RFX7: variants seen among roughly 807,000 people sequenced by gnomAD.
RFX7 encodes DNA-binding protein RFX7.
A neutral mutation model predicts 111.8 loss-of-function variants in RFX7; 26 were observed. The ratio of observed to expected loss-of-function variants is 0.23; its 90% CI spans 0.17 to 0.32. The LOEUF is 0.32. RFX7 is among the 10% of genes least tolerant of loss of function. The pLI is 1.00. For missense variants in RFX7, 1,573 were observed against 1,772.9 expected, an observed-to-expected ratio of 0.89 and a Z score of 2.02; for synonymous variants, 624 against 624.4, an observed-to-expected ratio of 1.00 and a Z score of 0.01.
At chr15:56,115,598 T>G (rs368420374) in intron 5 of RFX7, among the ~76,000 whole-genome samples, 2 of 152,200 alleles carry the variant, frequency 1.3e-5, no homozygotes, top group African/African-American at 4.8e-5. Context: ...TCTCTTTGTA[T>G]ACATACTTTC....
At chr15:56,118,033 A>G (rs1250825177) in intron 5 of RFX7, among the ~76,000 whole-genome samples, 1 of 151,982 alleles carries the variant, frequency 6.6e-6, no homozygotes, top group Non-Finnish European at 1.5e-5. Flanking sequence ...CTATCTATCT[A>G]TCTACACATA....
At chr15:56,140,687 A>G (rs1208924728) in intron 5 of RFX7, among the ~76,000 whole-genome samples, 2 of 152,134 alleles carry the variant, frequency 1.3e-5, no homozygotes, top group Non-Finnish European at 2.9e-5. Context: ...TAATTGCTCA[A>G]AATTGGAGTT....
intron 3 of RFX7, among the ~76,000 whole-genome samples, chr15:56,164,833 G>C (rs1201618344): frequency 1.3e-5 from 2 of 152,178 alleles, no homozygotes; most frequent in Non-Finnish European, 2.9e-5. Context: ...AGTTTTTAGA[G>C]AACACAGCTT....
intron 2 of RFX7, among the ~76,000 whole-genome samples, chr15:56,238,655 T>C (rs1354033471): frequency 6.6e-6 from 1 of 152,126 alleles, no homozygotes; most frequent in Admixed American, 6.5e-5. Context: ...AAAACAGTAA[T>C]TGATAACAAA....
intron 2 of RFX7, among the ~76,000 whole-genome samples, chr15:56,201,496 T>C (rs1017204121): frequency 6.6e-6 from 1 of 152,204 alleles, no homozygotes; most frequent in Non-Finnish European, 1.5e-5. Flanking sequence ...ATCTCCTCAA[T>C]GTTCAAATGA....
intron 2 of RFX7, among the ~76,000 whole-genome samples, chr15:56,185,352 T>A (rs544146979): frequency 6.6e-6 from 1 of 152,312 alleles, no homozygotes; most frequent in South Asian, 2.1e-4. Context: ...AATCTATGTA[T>A]CCTTTAAATA....
intron 3 of RFX7, among the ~76,000 whole-genome samples, chr15:56,155,775 G>T (rs1324259494): frequency 6.6e-6 from 1 of 151,974 alleles, no homozygotes; most frequent in African/African-American, 2.4e-5. Flanking sequence ...TTAAAAAAAT[G>T]TGGAAACAAG....
intron 3 of RFX7, 63 bp from the exon 4 acceptor site, chr15:56,144,546 A>G: frequency 1.2e-6 from 1 of 823,784 alleles, no homozygotes; most frequent in Admixed American, 2.1e-5. Flanking sequence ...CCCCAAACAA[A>G]ATTTACTAAC....
intron 5 of RFX7, among the ~76,000 whole-genome samples, chr15:56,110,178 A>T (rs1377912736): frequency 1.0e-5 from 1 of 99,798 alleles, no homozygotes. Flanking sequence ...CGCCCCGTCC[A>T]GGAGGTGAGG....
At chr15:56,122,750 C>A (rs372574093) in intron 5 of RFX7, among the ~76,000 whole-genome samples, 1 of 151,744 alleles carries the variant, frequency 6.6e-6, no homozygotes, top group East Asian at 2.0e-4. Flanking sequence ...AACCACAAGA[C>A]AGTCCTTCCC....
intron 5 of RFX7, among the ~76,000 whole-genome samples, chr15:56,104,320 G>T (rs2041800284): frequency 6.6e-6 from 1 of 152,176 alleles, no homozygotes; most frequent in Non-Finnish European, 1.5e-5. Flanking sequence ...CTGGAATCAG[G>T]TGTTCTGTTT....
chr15:56,243,393 GA>G (rs1357663128), intron 1 of RFX7, 51 bp downstream of exon 1: 1 of 744,760 alleles, frequency 1.3e-6, no homozygotes, highest in Non-Finnish European at 1.8e-6. Flanking sequence ...GGGGGAGGGG[GA>G]GGGGAAGAGG....
At chr15:56,195,483 T>C (rs111829136) in intron 2 of RFX7, among the ~76,000 whole-genome samples, 2,636 of 152,252 alleles carry the variant, frequency 0.017, 76 homozygotes, top group African/African-American at 0.06. Flanking sequence ...AATCAACAGA[T>C]TGCAAACTAT....
Position 56,093,476 on chromosome 15 carries a change from C to A in RFX7, c.4252G>T (p.Ala1418Ser). 6.2e-7 allele frequency: 1 copy of A among 1,613,882 alleles called. No individual in the cohort carries two copies. Among genetic ancestry groups the A allele is most frequent in the Non-Finnish European group, 8.5e-7 (1 of 1,179,840 alleles). Residue 1418 changes from alanine to serine, a missense_variant, in exon 10 of 10, where the codon GCT (alanine) becomes TCT (serine). Ala to Ser is a moderately conservative substitution (Grantham distance 99, BLOSUM62 1). This residue lies in a region of RFX7 where 411 missense variants were observed against 478.1 expected (regional missense o/e 0.86). Transcript: ENST00000559447. ...PGRQQGQDDE[A>S]TLEELKNDPL... The stretch of plus-strand genomic sequence containing the variant: ...TCATTCTTTAATTCTTCCAGTGTAG[C>A]TTCATCATCTTGTCCCTGCTGACGA...
chr15:56,087,495 G>T lies in RFX7; in HGVS notation c.*5850C>A, dbSNP rs1349316201. 2.2e-6 allele frequency: 1 copy of T among 456,584 alleles called. No homozygotes were observed. Among genetic ancestry groups the T allele is most frequent in the Non-Finnish European group, 4.4e-6 (1 of 226,980 alleles). The allele number at this position is 456,584 out of a possible 1,614,324, so 28.3% of individuals were successfully genotyped here. On this transcript the variant is annotated 3_prime_UTR_variant, in exon 10 of 10. Coordinates refer to ENST00000559447, the MANE Select transcript of RFX7 (RefSeq NM_022841.7). ...ACATTTGCATTCCAGCCAGCAGAGA[G>T]GAAGGACAAGAACACTGCAAAGAAG...
At chr15:56,156,413 C>G (rs1221471791) in intron 3 of RFX7, among the ~76,000 whole-genome samples, 1 of 152,096 alleles carries the variant, frequency 6.6e-6, no homozygotes, top group East Asian at 1.9e-4. Context: ...TGGACTTAAT[C>G]TATTTAACAG....
intron 3 of RFX7, among the ~76,000 whole-genome samples, chr15:56,158,779 T>C (rs774930341): frequency 1.3e-5 from 2 of 152,086 alleles, no homozygotes; most frequent in South Asian, 2.1e-4. Context: ...GCCAGGATTG[T>C]GCCACTACAG....
chr15:56,185,590 T>G (rs2043030146), intron 2 of RFX7, among the ~76,000 whole-genome samples: 1 of 152,190 alleles, frequency 6.6e-6, no homozygotes, highest in African/African-American at 2.4e-5. Flanking sequence ...TCTATATAAA[T>G]AAGACTATAA....
chr15:56,207,687 T>A (rs767592068), intron 2 of RFX7, among the ~76,000 whole-genome samples: 1 of 152,156 alleles, frequency 6.6e-6, no homozygotes, highest in Non-Finnish European at 1.5e-5. Flanking sequence ...TACAAAAGAC[T>A]GTTAAGCAGA....
Sources: gnomAD v4.1 joint callset for allele counts (sites outside exome capture counted in the v4.1 genomes callset) on GRCh38, gnomAD v4.1.1 for gene constraint, gnomAD v4.1.1 regional missense constraint, MANE v1.5 for transcripts, NCBI Gene and HGNC (gene_info 2026-07-23, HGNC 2026-07-21) for gene names.